Variants in EPHA6 observed in about 807,000 individuals in gnomAD.
EPHA6 encodes the protein EPH receptor A6, also known as ephrin type-A receptor 6.
Under a neutral mutation model 112.0 loss-of-function variants are expected in EPHA6, and 50 were observed. The ratio of observed to expected loss-of-function variants is 0.45; its 90% confidence interval spans 0.36 to 0.56. The LOEUF (loss-of-function observed/expected upper bound fraction) is 0.56. Ranked by LOEUF, EPHA6 falls within the 20% of genes least tolerant of loss-of-function variation. The probability of loss-of-function intolerance (pLI) is 0.00; values close to 1 mark genes in which losing one functional copy is unlikely to be tolerated. For missense variants in EPHA6, 1,280 were observed against 1,417.4 expected (o/e 0.90, Z 1.56); for synonymous variants, 529 against 490.7 (o/e 1.08, Z -1.03).
Position 96,995,460 on chromosome 3 carries a change from A to G in EPHA6, c.1114+7467A>G, listed in dbSNP as rs559420927. ...AGCAGCTTTTTCATGAAGCAATTCC[A>G]GACTTTCATCTATCTTGAAAAGAAT... On this transcript the variant is annotated intron_variant, in intron 3 of 17. Transcript: ENST00000389672. 2.0e-5 allele frequency among the ~76,000 whole-genome samples: 3 copies of G among 152,272 alleles called. No homozygotes were observed. The South Asian group carries it at 6.2e-4, about 32-fold the overall frequency.
At chr3:97,448,294 A>G (rs929004814) in intron 6 of EPHA6, among the ~76,000 whole-genome samples, 1 of 152,220 alleles carries the variant, frequency 6.6e-6, no homozygotes, top group South Asian at 2.1e-4. Flanking sequence ...ATCATTTCTT[A>G]CAGTTGGGTC....
chr3:97,293,804 C>T (rs866563137), intron 5 of EPHA6, among the ~76,000 whole-genome samples: 6 of 152,350 alleles, frequency 3.9e-5, no homozygotes, highest in South Asian at 2.1e-4. Context: ...CTGCCTCCTG[C>T]TGTCATCAAC....
intron 3 of EPHA6, among the ~76,000 whole-genome samples, chr3:97,071,339 A>G (rs1045764314): frequency 6.6e-6 from 1 of 152,028 alleles, no homozygotes; most frequent in African/African-American, 2.4e-5. Context: ...TTGAAGTCCT[A>G]ATTCTTTTTT....
chr3:96,970,402 C>T (rs947184735), intron 2 of EPHA6, among the ~76,000 whole-genome samples: 2 of 151,966 alleles, frequency 1.3e-5, no homozygotes, highest in African/African-American at 2.4e-5. Context: ...CAAGCTTCAG[C>T]TAAGTCATAT....
At chr3:97,701,861 T>C (rs540696203) in intron 14 of EPHA6, among the ~76,000 whole-genome samples, 1 of 152,222 alleles carries the variant, frequency 6.6e-6, no homozygotes, top group South Asian at 2.1e-4. Flanking sequence ...ATAGGAACAA[T>C]GTATAGTGAT....
intron 3 of EPHA6, among the ~76,000 whole-genome samples, chr3:97,148,777 C>G (rs2076101086): frequency 6.6e-6 from 1 of 152,042 alleles, no homozygotes; most frequent in Non-Finnish European, 1.5e-5. Flanking sequence ...TTAAAAACCC[C>G]TCACAGCAAA....
At chr3:97,311,232 T>G (rs2081545375) in intron 5 of EPHA6, among the ~76,000 whole-genome samples, 1 of 151,696 alleles carries the variant, frequency 6.6e-6, no homozygotes, top group South Asian at 2.1e-4. Flanking sequence ...AACACTTTTC[T>G]CTTGGATAAA....
At chr3:97,177,505 C>T (rs1198730815) in intron 3 of EPHA6, among the ~76,000 whole-genome samples, 1 of 151,794 alleles carries the variant, frequency 6.6e-6, no homozygotes, top group East Asian at 1.9e-4. Context: ...TATATTGGGG[C>T]CTATCTCTGT....
intron 10 of EPHA6, among the ~76,000 whole-genome samples, chr3:97,507,157 T>G (rs2092269685): frequency 6.6e-6 from 1 of 152,054 alleles, no homozygotes; most frequent in African/African-American, 2.4e-5. Context: ...ACCCTTTATT[T>G]TTTCTCTTGC....
intron 2 of EPHA6, among the ~76,000 whole-genome samples, chr3:96,951,726 T>C (rs181891638): frequency 6.6e-6 from 1 of 152,176 alleles, no homozygotes; most frequent in African/African-American, 2.4e-5. Flanking sequence ...AGGCTGTGGA[T>C]TAAATCATAT....
chr3:96,926,803 T>C (rs1313205087), intron 2 of EPHA6, among the ~76,000 whole-genome samples: 1 of 152,128 alleles, frequency 6.6e-6, no homozygotes, highest in Admixed American at 6.5e-5. Context: ...CCCCAGCTGG[T>C]TTTATGGCTG....
At chr3:97,170,779 G>T (rs1486600020) in intron 3 of EPHA6, among the ~76,000 whole-genome samples, 2 of 151,906 alleles carry the variant, frequency 1.3e-5, no homozygotes, top group Non-Finnish European at 2.9e-5. Flanking sequence ...ATAGGACCAG[G>T]TCTGAGAGGA....
At chr3:97,414,215 T>A (rs566808187) in intron 6 of EPHA6, among the ~76,000 whole-genome samples, 43 of 152,136 alleles carry the variant, frequency 2.8e-4, no homozygotes, top group African/African-American at 9.6e-4. Context: ...TTCCCAATAA[T>A]TTTTTATATA....
At chr3:97,447,142 A>T (rs905856727) in intron 6 of EPHA6, among the ~76,000 whole-genome samples, 2 of 152,180 alleles carry the variant, frequency 1.3e-5, no homozygotes, top group African/African-American at 4.8e-5. Flanking sequence ...AAGGAAGGTC[A>T]TAAAGTTTAA....
At chr3:97,202,125 A>G (rs914792365) in intron 3 of EPHA6, among the ~76,000 whole-genome samples, 11 of 152,096 alleles carry the variant, frequency 7.2e-5, no homozygotes, top group African/African-American at 2.7e-4. Flanking sequence ...CTAGAGACAT[A>G]AATGAATATT....
intron 16 of EPHA6, among the ~76,000 whole-genome samples, chr3:97,737,785 G>T (rs982316519): frequency 2.6e-5 from 4 of 152,032 alleles, no homozygotes; most frequent in African/African-American, 9.7e-5. Flanking sequence ...CTGTAGTTAA[G>T]ATAGCCCACA....
rs568880466 is a variant in EPHA6 at position 97,456,021 on chromosome 3, AG to A, written c.1894+7293del. ...GGAAAGAAAATCATTAACTATTAACAGGTACTTAGATGTTGTAAAATGTGCG... is the reference window on the plus strand; with the variant it reads ...GGAAAGAAAATCATTAACTATTAACAGTACTTAGATGTTGTAAAATGTGCG... On this transcript the variant is annotated intron_variant, in intron 7 of 17. Coordinates refer to ENST00000389672, the MANE Select transcript of EPHA6 (RefSeq NM_001080448.3). Among the ~76,000 whole-genome samples the A allele has an allele frequency of 7.7e-3, 1,178 of 152,186 alleles. 14 individuals carry two copies. The highest frequency in any genetic ancestry group is 0.027 in the African/African-American group (1,131 of 41,568).
intron 1 of EPHA6, among the ~76,000 whole-genome samples, chr3:96,863,001 TAC>T (rs2036094893): frequency 6.6e-6 from 1 of 152,040 alleles, no homozygotes; most frequent in Non-Finnish European, 1.5e-5. Flanking sequence ...TGTATGCAGT[TAC>T]ACAGACACAT....
chr3:96,834,203 C>A (rs2034260646), intron 1 of EPHA6, among the ~76,000 whole-genome samples: 1 of 151,794 alleles, frequency 6.6e-6, no homozygotes, highest in East Asian at 1.9e-4. Context: ...GTAACGTTTG[C>A]ATAAACCCAG....
Sources: allele counts gnomAD v4.1 joint callset (sites outside exome capture counted in the v4.1 genomes callset), GRCh38; gene constraint gnomAD v4.1.1; transcripts MANE v1.5; gene names NCBI Gene and HGNC (gene_info 2026-07-23, HGNC 2026-07-21).